Variants in VPS13A observed in about 807,000 individuals in gnomAD.
The protein encoded by VPS13A is vacuolar protein sorting 13 homolog A, also known as intermembrane lipid transfer protein VPS13A.
Under a neutral mutation model 390.9 loss-of-function variants are expected in VPS13A, and 264 were observed. The ratio of observed to expected loss-of-function variants is 0.68; its 90% confidence interval spans 0.61 to 0.75. The LOEUF is 0.75. Among genes scored for constraint, VPS13A ranks in the 30% least tolerant of loss-of-function variants. The pLI is 0.00. For missense variants in VPS13A, 3,409 were observed against 3,733.9 expected, an observed-to-expected ratio of 0.91 and a Z score of 2.27; for synonymous variants, 1,231 against 1,227.1, an observed-to-expected ratio of 1.00 and a Z score of -0.07.
intron 68 of VPS13A, among the ~76,000 whole-genome samples, chr9:77,388,628 T>C (rs986160664): frequency 2.0e-5 from 3 of 152,206 alleles, no homozygotes; most frequent in African/African-American, 7.2e-5. Context: ...AGATTTCTCC[T>C]GAATTGTATT....
rs138983681 is a variant in VPS13A, at chr9:77,190,749, A to G, written c.101-9196A>G. On this transcript the variant is annotated intron_variant, in intron 1 of 71. Transcript: ENST00000360280. ...TGGTAGACTTTTTATACAATTTCAG[A>G]ACTCATTATTGCTCTGTTGAGGTAT... Among the ~76,000 whole-genome samples the G allele has an allele frequency of 1.6e-3, 245 of 152,254 alleles. 2 individuals carry two copies. The highest frequency in any genetic ancestry group is 0.01 in the Middle Eastern group (3 of 294).
intron 59 of VPS13A, among the ~76,000 whole-genome samples, chr9:77,362,780 A>AT (rs562988312): frequency 6.6e-6 from 1 of 151,860 alleles, no homozygotes; most frequent in Non-Finnish European, 1.5e-5. Flanking sequence ...TAGATTTTTA[A>AT]TTTTTTTTAA....
intron 22 of VPS13A, among the ~76,000 whole-genome samples, chr9:77,258,591 GAAGGA>G (rs1199246324): frequency 6.6e-6 from 1 of 152,084 alleles, no homozygotes; most frequent in Non-Finnish European, 1.5e-5. Context: ...TTAAGAGACA[GAAGGA>G]AAGAAAACCA....
intron 53 of VPS13A, 53 bp from the exon 54 acceptor site, chr9:77,353,356 G>C: frequency 7.2e-7 from 1 of 1,381,650 alleles, no homozygotes. Flanking sequence ...ATGTTCTTTG[G>C]GACCAAATTC....
chr9:77,302,905 C>G lies in VPS13A; in HGVS notation c.3813-10C>G, dbSNP rs1422738496. 6.2e-7 allele frequency: 1 copy of G among 1,610,114 alleles called. No homozygotes were observed. The highest frequency in any genetic ancestry group is 8.5e-7 in the Non-Finnish European group (1 of 1,176,768). On this transcript the variant is annotated splice_polypyrimidine_tract_variant and intron_variant, in intron 33 of 71. Transcript: ENST00000360280. ...GAAACAATTTAAAAGAATGTTATCTCTACTTATAGATCTCGATTTATTAAT... is the reference window on the plus strand; with the variant it reads ...GAAACAATTTAAAAGAATGTTATCTGTACTTATAGATCTCGATTTATTAAT...
chr9:77,330,001 A>G (rs1055160683), intron 45 of VPS13A, among the ~76,000 whole-genome samples: 2 of 152,134 alleles, frequency 1.3e-5, no homozygotes, highest in African/African-American at 2.4e-5. Flanking sequence ...CTTACCTGCA[A>G]CACGCTTCTG....
chr9:77,399,192 A>G (rs866736126), intron 68 of VPS13A, among the ~76,000 whole-genome samples: 6 of 141,844 alleles, frequency 4.2e-5, no homozygotes, highest in African/African-American at 1.7e-4. Context: ...AAAAAAAAAA[A>G]AAAAAAAAAA....
chr9:77,317,744 A>G, intron 40 of VPS13A, 46 bp downstream of exon 40: 4 of 1,424,154 alleles, frequency 2.8e-6, no homozygotes, highest in Non-Finnish European at 3.8e-6. Flanking sequence ...ACTTAAAAAA[A>G]GTAGTAAAGC....
intron 26 of VPS13A, among the ~76,000 whole-genome samples, chr9:77,278,783 G>T (rs1826843459): frequency 6.6e-6 from 1 of 152,176 alleles, no homozygotes; most frequent in South Asian, 2.1e-4. Context: ...TTGGTGATGA[G>T]AGTTTTAAAA....
chr9:77,318,122 TGTG>T, intron 40 of VPS13A, 110 bp from the exon 41 acceptor site: 1 of 579,690 alleles, frequency 1.7e-6, no homozygotes, highest in Non-Finnish European at 2.8e-6. Context: ...TCTTCTATTT[TGTG>T]GTAGTAATGT....
chr9:77,345,262 CAG>C, intron 52 of VPS13A, 120 bp downstream of exon 52: 1 of 1,119,022 alleles, frequency 8.9e-7, no homozygotes, highest in Non-Finnish European at 1.3e-6. Flanking sequence ...CTGTGTAAAA[CAG>C]TGTTCCATTA....
At chr9:77,334,003 A>G (rs1035719968) in intron 46 of VPS13A, among the ~76,000 whole-genome samples, 10 of 152,210 alleles carry the variant, frequency 6.6e-5, no homozygotes, top group African/African-American at 2.2e-4. Flanking sequence ...AGAAAGTGTT[A>G]GAGTTGCCAA....
chr9:77,314,723 G>T, intron 37 of VPS13A, 59 bp downstream of exon 37: 1 of 1,539,008 alleles, frequency 6.5e-7, no homozygotes. Context: ...ATATTTTACA[G>T]AATTCATCTC....
chr9:77,238,078 T>C lies in VPS13A; in HGVS notation c.1672T>C (p.Leu558=). ...NSEKPRLLSS[L]DDAMSLFQIT... ...AGAAAAACCCCGCCTCCTGTCTTCA[T>C]TGGATGATGCAATGTCACTTTTCCA... The change falls in exon 18 of 72, where the codon TTG becomes CTG. Residue 558 remains leucine, a synonymous_variant. Transcript: ENST00000360280. 1.2e-6 allele frequency: 2 copies of C among 1,613,678 alleles called. No homozygotes were observed. The highest frequency in any genetic ancestry group is 1.1e-5 in the South Asian group (1 of 91,064).
chr9:77,196,741 G>A (rs575435202), intron 1 of VPS13A, among the ~76,000 whole-genome samples: 6 of 151,688 alleles, frequency 4.0e-5, no homozygotes, highest in African/African-American at 7.3e-5. Flanking sequence ...CTTTAGCAGT[G>A]CATCTGTTTG....
chr9:77,227,522 T>A, intron 16 of VPS13A, 37 bp downstream of exon 16: 2 of 1,402,934 alleles, frequency 1.4e-6, no homozygotes, highest in South Asian at 1.2e-5. Context: ...TAGAATATAT[T>A]TATTTATTTA....
At chr9:77,406,903 C>T (rs1397043483) in intron 70 of VPS13A, among the ~76,000 whole-genome samples, 4 of 152,058 alleles carry the variant, frequency 2.6e-5, no homozygotes, top group Non-Finnish European at 5.9e-5. Context: ...TCTGTTTGCC[C>T]CTGATATGCT....
At chr9:77,296,517 T>C (rs1485357060) in intron 33 of VPS13A, among the ~76,000 whole-genome samples, 1 of 152,126 alleles carries the variant, frequency 6.6e-6, no homozygotes, top group African/African-American at 2.4e-5. Flanking sequence ...CTTCACCTTA[T>C]TTTTGTCTCA....
intron 35 of VPS13A, among the ~76,000 whole-genome samples, chr9:77,309,760 C>T (rs1183921219): frequency 6.6e-6 from 1 of 151,960 alleles, no homozygotes; most frequent in African/African-American, 2.4e-5. Context: ...TTGAAGGAAG[C>T]TCTTAGCTAT....
Sources: allele counts gnomAD v4.1 joint callset (sites outside exome capture counted in the v4.1 genomes callset), GRCh38; gene constraint gnomAD v4.1.1; transcripts MANE v1.5; gene names NCBI Gene and HGNC (gene_info 2026-07-23, HGNC 2026-07-21).